Variants in PCSK2 observed in about 807,000 individuals in gnomAD.
The protein encoded by PCSK2 is proprotein convertase subtilisin/kexin type 2.
In PCSK2, 14 loss-of-function variants were observed where a neutral mutation model predicts 69.7. That is an observed-to-expected ratio of 0.20 (90% CI 0.13 to 0.31). PCSK2 has a LOEUF of 0.31. Ranked by LOEUF, PCSK2 falls within the 10% of genes least tolerant of loss-of-function variation. The pLI is 1.00. For synonymous variants in PCSK2, 307 were observed against 320.7 expected, an observed-to-expected ratio of 0.96 and a Z score of 0.46; for missense variants, 544 against 842.5, an observed-to-expected ratio of 0.65 and a Z score of 4.39.
chr20:17,438,677 T>C (rs2032534742), intron 8 of PCSK2, among the ~76,000 whole-genome samples: 2 of 152,166 alleles, frequency 1.3e-5, no homozygotes, highest in South Asian at 4.2e-4. Context: ...TGGCTGCTGA[T>C]GGCTCACAGT....
intron 2 of PCSK2, among the ~76,000 whole-genome samples, chr20:17,321,175 C>A (rs993829616): frequency 6.6e-6 from 1 of 152,188 alleles, no homozygotes; most frequent in Admixed American, 6.5e-5. Flanking sequence ...CATTAGGAAG[C>A]AATATTAGTT....
At chr20:17,344,981 A>C (rs1990611430) in intron 2 of PCSK2, among the ~76,000 whole-genome samples, 1 of 152,224 alleles carries the variant, frequency 6.6e-6, no homozygotes, top group South Asian at 2.1e-4. Flanking sequence ...ATCTTTGCAA[A>C]AAGCTGCCTA....
At chr20:17,347,597 A>C (rs1990682996) in intron 2 of PCSK2, among the ~76,000 whole-genome samples, 1 of 151,970 alleles carries the variant, frequency 6.6e-6, no homozygotes. Flanking sequence ...CCTCATGTAA[A>C]CCATGGACCG....
intron 8 of PCSK2, among the ~76,000 whole-genome samples, chr20:17,445,021 G>A (rs2032671090): frequency 6.6e-6 from 1 of 152,180 alleles, no homozygotes. Flanking sequence ...TAAAGCCCAA[G>A]GGATATGGGC....
At chr20:17,313,510 C>A (rs994634509) in intron 2 of PCSK2, among the ~76,000 whole-genome samples, 1 of 152,052 alleles carries the variant, frequency 6.6e-6, no homozygotes, top group Non-Finnish European at 1.5e-5. Flanking sequence ...TTAAGACCTT[C>A]GAGTGACTCA....
At chr20:17,432,379 TC>T (rs2032385871) in intron 7 of PCSK2, among the ~76,000 whole-genome samples, 1 of 152,326 alleles carries the variant, frequency 6.6e-6, no homozygotes, top group Non-Finnish European at 1.5e-5. Flanking sequence ...ATACGGGATG[TC>T]CCAAAAGTCA....
chr20:17,258,761 A>T (rs1987270353), intron 1 of PCSK2, among the ~76,000 whole-genome samples: 2 of 145,006 alleles, frequency 1.4e-5, no homozygotes, highest in South Asian at 4.5e-4. Context: ...CATAATATGT[A>T]GTGTGTGTGT....
intron 7 of PCSK2, among the ~76,000 whole-genome samples, chr20:17,433,228 G>T (rs6131949): frequency 0.11 from 16,984 of 152,220 alleles, 1,220 homozygotes; most frequent in African/African-American, 0.2. Context: ...CAGCTATGAA[G>T]TGCTTTCACA....
At chr20:17,350,706 C>CT (rs1221834716) in intron 2 of PCSK2, among the ~76,000 whole-genome samples, 3 of 152,110 alleles carry the variant, frequency 2.0e-5, no homozygotes, top group African/African-American at 7.2e-5. Context: ...GCTTCCAAAC[C>CT]TTTTTTTCCT....
intron 3 of PCSK2, among the ~76,000 whole-genome samples, chr20:17,358,833 A>G (rs2030296134): frequency 6.6e-6 from 1 of 152,232 alleles, no homozygotes; most frequent in Non-Finnish European, 1.5e-5. Flanking sequence ...CAGGCCTAAA[A>G]GAAAGGATCC....
At chr20:17,249,836 T>C (rs554985195) in intron 1 of PCSK2, among the ~76,000 whole-genome samples, 1 of 151,540 alleles carries the variant, frequency 6.6e-6, no homozygotes, top group Non-Finnish European at 1.5e-5. Flanking sequence ...ATTCCAGGGC[T>C]GGGGGGGGAA....
At chr20:17,418,015 G>A (rs1026125652) in intron 6 of PCSK2, among the ~76,000 whole-genome samples, 1 of 152,158 alleles carries the variant, frequency 6.6e-6, no homozygotes, top group African/African-American at 2.4e-5. Flanking sequence ...GTTTTGGTGT[G>A]CAAGCTTCCA....
At chr20:17,267,115 C>A (rs1160845323) in intron 2 of PCSK2, among the ~76,000 whole-genome samples, 1 of 152,148 alleles carries the variant, frequency 6.6e-6, no homozygotes, top group African/African-American at 2.4e-5. Flanking sequence ...ATCCAGCTCC[C>A]CATCCACCCC....
chr20:17,340,177 G>A (rs963296349), intron 2 of PCSK2, among the ~76,000 whole-genome samples: 6 of 152,250 alleles, frequency 3.9e-5, no homozygotes, highest in Admixed American at 6.5e-5. Context: ...ACACACAGGC[G>A]GCATGGAGGA....
intron 1 of PCSK2, among the ~76,000 whole-genome samples, chr20:17,243,954 T>C (rs1253246312): frequency 6.6e-6 from 1 of 152,134 alleles, no homozygotes; most frequent in Non-Finnish European, 1.5e-5. Context: ...TGGGCCAGAT[T>C]TTTTATTTTT....
chr20:17,294,098 C>CTTTTTTTTTTTTTTTTT (rs34805695), intron 2 of PCSK2, among the ~76,000 whole-genome samples: 1 of 73,978 alleles, frequency 1.4e-5, no homozygotes, highest in Non-Finnish European at 2.4e-5. Flanking sequence ...AAAGTATTTT[C>CTTTTTTTTTTTTTTTTT]TTTTTTTTTT....
intron 1 of PCSK2, among the ~76,000 whole-genome samples, chr20:17,248,435 A>G (rs1490259954): frequency 6.6e-6 from 1 of 152,178 alleles, no homozygotes; most frequent in Non-Finnish European, 1.5e-5. Context: ...ACTGTAAGTC[A>G]CATAGCATCT....
intron 2 of PCSK2, among the ~76,000 whole-genome samples, chr20:17,303,330 T>C (rs1305865084): frequency 7.4e-6 from 1 of 134,564 alleles, no homozygotes; most frequent in Non-Finnish European, 1.5e-5. Flanking sequence ...ATATATCTAT[T>C]ACATATAATA....
intron 5 of PCSK2, among the ~76,000 whole-genome samples, chr20:17,391,292 C>T (rs929033650): frequency 3.9e-5 from 6 of 152,236 alleles, no homozygotes; most frequent in Non-Finnish European, 8.8e-5. Context: ...AAAGATTCTC[C>T]GATGCCCTTG....
Sources: allele counts gnomAD v4.1 joint callset (sites outside exome capture counted in the v4.1 genomes callset), GRCh38; gene constraint gnomAD v4.1.1; transcripts MANE v1.5; gene names NCBI Gene and HGNC (gene_info 2026-07-23, HGNC 2026-07-21).